Variants in LRRC18 observed in about 807,000 individuals in gnomAD.
The protein encoded by LRRC18 is leucine rich repeat containing 18.
A neutral mutation model predicts 11.2 loss-of-function variants in LRRC18; 12 were observed. That is an observed-to-expected ratio of 1.07 (90% CI 0.69 to 1.74). LRRC18 has a LOEUF of 1.74. Ranked by LOEUF, LRRC18 falls within the 40% of genes most tolerant of loss-of-function variation. LRRC18 has a pLI of 0.00. For missense variants in LRRC18, 374 were observed against 330.5 expected (o/e 1.13, Z -1.02); for synonymous variants, 155 against 130.6 (o/e 1.19, Z -1.27).
chr10:48,916,523 T>C (rs1278475804), upstream of LRRC18, among the ~76,000 whole-genome samples: 1 of 152,206 alleles, frequency 6.6e-6, no homozygotes, highest in Non-Finnish European at 1.5e-5. Context: ...GGGGGGTTGC[T>C]TTGTTTTCTC....
chr10:48,927,467 A>T, the LRRC18 span, among the ~76,000 whole-genome samples: 3 of 152,178 alleles, frequency 2.0e-5, no homozygotes, highest in South Asian at 4.1e-4. Context: ...CCATTACGTC[A>T]AAACTTCCAC....
chr10:48,933,274 A>G, the LRRC18 span, among the ~76,000 whole-genome samples: 1 of 152,230 alleles, frequency 6.6e-6, no homozygotes. Flanking sequence ...TTTGCCCAGC[A>G]CAAAGTCTAA....
At chr10:48,932,862 A>AG in the LRRC18 span, among the ~76,000 whole-genome samples, 4 of 152,168 alleles carry the variant, frequency 2.6e-5, no homozygotes, top group Non-Finnish European at 2.9e-5. Flanking sequence ...GCTAAGAAGA[A>AG]GCCACATGGA....
At chr10:48,918,040 A>G (rs1043699299), upstream of LRRC18, among the ~76,000 whole-genome samples, 2 of 152,244 alleles carry the variant, frequency 1.3e-5, no homozygotes, top group African/African-American at 4.8e-5. Context: ...ACAGTAAAGT[A>G]TGTGTATTTT....
the LRRC18 span, among the ~76,000 whole-genome samples, chr10:48,922,565 G>A: frequency 9.2e-5 from 14 of 152,050 alleles, no homozygotes; most frequent in Non-Finnish European, 1.9e-4. Flanking sequence ...CATCTCTTAC[G>A]GTGCCTAACT....
At chr10:48,937,780 T>C in the LRRC18 span, among the ~76,000 whole-genome samples, 2 of 152,192 alleles carry the variant, frequency 1.3e-5, no homozygotes, top group Non-Finnish European at 2.9e-5. Context: ...GGTACGTCTG[T>C]CTCTACATGG....
chr10:48,936,573 C>T, the LRRC18 span, among the ~76,000 whole-genome samples: 1 of 151,374 alleles, frequency 6.6e-6, no homozygotes, highest in Non-Finnish European at 1.5e-5. Context: ...TGTGGTGGCT[C>T]ATGCCTGTAA....
rs746644817 is a variant in LRRC18 at position 48,913,871 on chromosome 10, C to T, written c.285G>A (p.Met95Ile). The T allele has an allele frequency of 3.7e-6, 6 of 1,613,944 alleles. No individual in the cohort carries two copies. In the East Asian group the frequency reaches 1.1e-4, roughly 30 times the overall value. The change falls in exon 1 of 2, where the codon ATG (methionine) becomes ATA (isoleucine). Residue 95 changes from methionine (M) to isoleucine (I), a missense_variant. Met to Ile is a conservative substitution (Grantham distance 10). Coordinates refer to ENST00000374160, the Ensembl canonical transcript of LRRC18. ...TGACGTTGAGGTAGAGCAGGCTGGT[C>T]ATCTGGCCAATGGACTCAGGCAGCT... is the stretch of plus-strand genomic sequence containing the variant.
upstream of LRRC18, among the ~76,000 whole-genome samples, chr10:48,914,866 CA>C (rs1409236397): frequency 1.3e-5 from 2 of 152,222 alleles, no homozygotes; most frequent in Non-Finnish European, 2.9e-5. Context: ...CATGAGCACA[CA>C]GGGGGATGGG....
chr10:48,922,857 A>G, the LRRC18 span, among the ~76,000 whole-genome samples: 1 of 152,180 alleles, frequency 6.6e-6, no homozygotes, highest in East Asian at 1.9e-4. Flanking sequence ...GGTGCAGAAC[A>G]AATCTATGGT....
At chr10:48,921,194 G>A in the LRRC18 span, among the ~76,000 whole-genome samples, 3 of 152,046 alleles carry the variant, frequency 2.0e-5, no homozygotes, top group Admixed American at 6.5e-5. Flanking sequence ...TAGAGTTGGA[G>A]GATTATGTGT....
exon 1 of LRRC18, chr10:48,914,102 G>A (rs1394556607): frequency 1.2e-6 from 2 of 1,614,100 alleles, no homozygotes. Flanking sequence ...TGCAATTCCT[G>A]GCCACCTTGA....
intron 1 of LRRC18, among the ~76,000 whole-genome samples, chr10:48,912,853 C>A (rs1256029970): frequency 6.6e-6 from 1 of 152,232 alleles, no homozygotes; most frequent in Non-Finnish European, 1.5e-5. Flanking sequence ...AAGAAGCTAT[C>A]TGCCTATTGA....
chr10:48,939,367 G>A, the LRRC18 span, among the ~76,000 whole-genome samples: 2 of 152,212 alleles, frequency 1.3e-5, no homozygotes, highest in Non-Finnish European at 2.9e-5. Context: ...CTGTGTGACA[G>A]GTGTGGCCAG....
At chr10:48,923,286 T>C in the LRRC18 span, among the ~76,000 whole-genome samples, 6 of 151,818 alleles carry the variant, frequency 4.0e-5, no homozygotes, top group Non-Finnish European at 7.4e-5. Flanking sequence ...AGGGAACAGA[T>C]GTTCGCAAGC....
the LRRC18 span, among the ~76,000 whole-genome samples, chr10:48,931,037 A>G: frequency 6.6e-6 from 1 of 152,016 alleles, no homozygotes; most frequent in Non-Finnish European, 1.5e-5. Flanking sequence ...ACAGATATAA[A>G]ATCTATTTCT....
the LRRC18 span, among the ~76,000 whole-genome samples, chr10:48,939,702 A>G: frequency 6.6e-6 from 1 of 152,244 alleles, no homozygotes. Flanking sequence ...TCACCTTCAG[A>G]TTAATATGAT....
chr10:48,913,660 G>A (rs1838221199), exon 1 of LRRC18: 2 of 1,613,694 alleles, frequency 1.2e-6, no homozygotes, highest in African/African-American at 1.3e-5. Context: ...AGCTTGGGGA[G>A]CTTGGAGATG....
chr10:48,917,904 G>A (rs1183214202), upstream of LRRC18, among the ~76,000 whole-genome samples: 5 of 152,164 alleles, frequency 3.3e-5, no homozygotes, highest in South Asian at 2.1e-4. Context: ...CTGTGTGATG[G>A]AGTTGTCAAA....
Sources: allele counts gnomAD v4.1 joint callset (sites outside exome capture counted in the v4.1 genomes callset), GRCh38; gene constraint gnomAD v4.1.1; transcripts MANE v1.5; gene names NCBI Gene and HGNC (gene_info 2026-07-23, HGNC 2026-07-21).